ARFGEF2: variants seen among roughly 807,000 people sequenced by gnomAD.
ARFGEF2 encodes the protein ARF guanine nucleotide exchange factor 2, also known as brefeldin A-inhibited guanine nucleotide-exchange protein 2.
In ARFGEF2, 74 loss-of-function variants were observed where a neutral mutation model predicts 219.9. That is an observed-to-expected ratio of 0.34 (90% CI 0.28 to 0.41). The LOEUF (loss-of-function observed/expected upper bound fraction) is 0.41. Among genes scored for constraint, ARFGEF2 ranks in the 10% least tolerant of loss-of-function variants. The pLI is 1.00. For synonymous variants in ARFGEF2, 733 were observed against 799.2 expected (o/e 0.92, Z 1.40); for missense variants, 1,743 against 2,218.3 (o/e 0.79, Z 4.30).
chr20:49,017,471 T>TA lies in ARFGEF2; in HGVS notation c.4455-25_4455-24insA, dbSNP rs200106522. 1.2e-4 allele frequency: 190 copies of TA among 1,613,710 alleles called. 1 individual carries two copies. The African/African-American group carries it at 2.0e-3, about 17-fold the overall frequency. Reference sequence around the variant, plus strand: ...CCTGATTGCCTTTCACATTGATTATTTTTTTTCTCTATTTTTTTCTTCAGT... The same window carrying TA: ...CCTGATTGCCTTTCACATTGATTATTATTTTTTCTCTATTTTTTTCTTCAGT... On this transcript the variant is annotated intron_variant, in intron 32 of 38. Transcript: ENST00000371917.
chr20:49,020,603 A>G (rs997003254), intron 34 of ARFGEF2, among the ~76,000 whole-genome samples: 1 of 152,050 alleles, frequency 6.6e-6, no homozygotes, highest in African/African-American at 2.4e-5. Flanking sequence ...GTGCCACCAC[A>G]TTCGGCTAAT....
intron 8 of ARFGEF2, among the ~76,000 whole-genome samples, chr20:48,966,956 G>A (rs934933892): frequency 2.6e-5 from 4 of 152,188 alleles, no homozygotes; most frequent in South Asian, 4.1e-4. Context: ...AAATGATCCT[G>A]CCACTTCAGC....
Position 49,032,131 on chromosome 20 carries a change from C to T in ARFGEF2, c.5146C>T (p.Leu1716Phe), listed in dbSNP as rs1290476602. ...GGCCTGGACAAGTCTCTTGTTGTTA[C>T]TTCTAACTAAAACCCTCAAAATAAA... ...REAWTSLLLL[L>F]LTKTLKINDE... is the part of the protein sequence containing the mutation. The change falls in exon 38 of 39, where the codon CTT becomes TTT. Residue 1716 changes from leucine to phenylalanine, a missense_variant. Coordinates refer to ENST00000371917, the MANE Select transcript of ARFGEF2 (RefSeq NM_006420.3). 1 of 1,613,734 alleles carries T rather than the reference C, an allele frequency of 6.2e-7. No homozygotes were observed. Among genetic ancestry groups the T allele is most frequent in the Admixed American group, 1.7e-5 (1 of 59,976 alleles).
At position 48,985,509 on chromosome 20, in the gene ARFGEF2, A is replaced by G. The variant is rs751323584; in HGVS notation, c.2172A>G (p.Ser724=). The G allele has an allele frequency of 2.5e-6, 4 of 1,614,118 alleles. No homozygotes were observed. Among genetic ancestry groups the G allele is most frequent in the Non-Finnish European group, 3.4e-6 (4 of 1,180,056 alleles). The part of the protein sequence containing the change: ...QLDFCEKEFV[S]ALRTFLEGFR... ...ACTTCTGTGAAAAAGAATTTGTCTC[A>G]GCCCTGCGGACATTCCTAGAAGGTT... The change falls in exon 16 of 39, where the codon TCA becomes TCG. Residue 724 remains serine, a synonymous_variant. Coordinates refer to ENST00000371917, the MANE Select transcript of ARFGEF2 (RefSeq NM_006420.3).
At chr20:48,968,730 G>GT (rs1391688409) in intron 8 of ARFGEF2, among the ~76,000 whole-genome samples, 2 of 151,924 alleles carry the variant, frequency 1.3e-5, no homozygotes, top group African/African-American at 4.8e-5. Flanking sequence ...ATTAGTTTTG[G>GT]TTTTTTTACA....
chr20:49,017,420 C>CT, intron 32 of ARFGEF2, 33 bp downstream of exon 32: 2 of 1,613,890 alleles, frequency 1.2e-6, no homozygotes, highest in Non-Finnish European at 1.7e-6. Context: ...CCGTTTATCT[C>CT]TGTGTTCAGT....
chr20:48,926,274 C>T (rs1656990334), intron 1 of ARFGEF2, among the ~76,000 whole-genome samples: 1 of 152,140 alleles, frequency 6.6e-6, no homozygotes, highest in Admixed American at 6.6e-5. Flanking sequence ...TTTCAGGAGA[C>T]TGTATTTTCT....
At position 48,974,882 on chromosome 20, in the gene ARFGEF2, A is replaced by C. The variant is rs1434699194; in HGVS notation, c.1774+8A>C. ...ACCACCAGACCAGCCTCGGTGAGAC[A>C]GCATTGCTGCCACACCCACCTCCAT... is the stretch of plus-strand genomic sequence containing the variant. On this transcript the variant is annotated splice_region_variant and intron_variant, in intron 13 of 38. Coordinates refer to ENST00000371917, the MANE Select transcript of ARFGEF2 (RefSeq NM_006420.3). The C allele has an allele frequency of 3.7e-6, 6 of 1,608,028 alleles. No individual in the cohort carries two copies. The highest frequency in any genetic ancestry group is 5.1e-6 in the Non-Finnish European group (6 of 1,175,984).
In ARFGEF2 at chr20:48,965,988, G is replaced by T. The variant is rs530413492; in HGVS notation, c.1024G>T (p.Asp342Tyr). The T allele has an allele frequency of 1.9e-5, 30 of 1,614,146 alleles. No individual in the cohort carries two copies. In the South Asian group the frequency reaches 3.1e-4, roughly 17 times the overall value. The change falls in exon 8 of 39, where the codon GAT (aspartate) becomes TAT (tyrosine). Residue 342 changes from aspartate to tyrosine, a missense_variant. Transcript: ENST00000371917. ...DENSQTNGIA[D>Y]DRQSLSSADN... ...AAACTCACAGACCAACGGGATAGCC[G>T]ATGACAGGCAGTCCTTGTCGTCAGC...
rs532986318 is a variant in ARFGEF2 at position 48,988,507 on chromosome 20, C to T, written c.2378C>T (p.Thr793Met). The change falls in exon 18 of 39, where the codon ACG becomes ATG. Residue 793 changes from threonine to methionine, a missense_variant. Transcript: ENST00000371917. ...LHSPQVKNKM[T>M]KEQYIKMNRG... ...TAATTACAGGTAAAAAATAAAATGA[C>T]GAAAGAGCAGTATATTAAAATGAAT... is the stretch of plus-strand genomic sequence containing the variant. 35 of 1,612,286 alleles carry T rather than the reference C, an allele frequency of 2.2e-5. No homozygotes were observed. The highest frequency in any genetic ancestry group is 1.3e-4 in the Admixed American group (8 of 59,896).
Position 48,971,321 on chromosome 20 carries a change from A to G in ARFGEF2, c.1392A>G (p.Ser464=). 6.2e-7 allele frequency: 1 copy of G among 1,614,114 alleles called. No homozygotes were observed. Among genetic ancestry groups the G allele is most frequent in the Non-Finnish European group, 8.5e-7 (1 of 1,180,028 alleles). The change falls in exon 10 of 39, where the codon TCA becomes TCG. Residue 464 remains serine (S), a synonymous_variant. Transcript: ENST00000371917. ...TTGCCATTTTTCTTACTCTTCTTTC[A>G]AACTTTAAAATGCACTTGAAAATGC... The part of the protein sequence containing the change: ...LSLAIFLTLL[S]NFKMHLKMQI...
At chr20:49,018,351 G>A (rs775257933) in intron 33 of ARFGEF2, among the ~76,000 whole-genome samples, 5 of 152,102 alleles carry the variant, frequency 3.3e-5, no homozygotes, top group Non-Finnish European at 5.9e-5. Flanking sequence ...TCATGCCTCA[G>A]CCTCCCGCCA....
intron 1 of ARFGEF2, among the ~76,000 whole-genome samples, chr20:48,922,405 G>A (rs2090848422): frequency 6.6e-6 from 1 of 152,220 alleles, no homozygotes; most frequent in Admixed American, 6.5e-5. Context: ...AGGAAGAGCC[G>A]TCCAACTGGT....
At position 49,023,085 on chromosome 20, in the gene ARFGEF2, T is replaced by C. The variant is rs1177358480; in HGVS notation, c.4659T>C (p.Cys1553=). Residue 1553 remains cysteine, a synonymous_variant, in exon 35 of 39, where the codon TGT becomes TGC. Transcript: ENST00000371917. The part of the protein sequence containing the change: ...QKLFASLLIK[C]VVQLELIQTI... Reference sequence around the variant, plus strand: ...TGTTTGCCAGCCTCCTCATCAAGTGTGTGGTCCAGTTGGAATTGATACAGA... The same window carrying C: ...TGTTTGCCAGCCTCCTCATCAAGTGCGTGGTCCAGTTGGAATTGATACAGA... The C allele has an allele frequency of 1.5e-5, 25 of 1,614,112 alleles. No individual in the cohort carries two copies. Among genetic ancestry groups the C allele is most frequent in the Non-Finnish European group, 1.8e-5 (21 of 1,180,042 alleles).
intron 36 of ARFGEF2, among the ~76,000 whole-genome samples, chr20:49,028,324 G>A (rs189790027): frequency 1.3e-5 from 2 of 152,280 alleles, no homozygotes; most frequent in East Asian, 3.9e-4. Context: ...AGGAGGCTGA[G>A]GCAGGAGGAT....
chr20:49,027,587 G>A (rs973810971), intron 36 of ARFGEF2, among the ~76,000 whole-genome samples: 14 of 151,986 alleles, frequency 9.2e-5, no homozygotes, highest in Non-Finnish European at 1.9e-4. Flanking sequence ...TCCCAGCTAC[G>A]CAGGAGGCTG....
At chr20:48,980,708 G>A (rs1248942224) in intron 14 of ARFGEF2, among the ~76,000 whole-genome samples, 3 of 152,170 alleles carry the variant, frequency 2.0e-5, no homozygotes, top group Non-Finnish European at 4.4e-5. Flanking sequence ...AGCTCTTCTT[G>A]TTGAATTGAT....
intron 8 of ARFGEF2, 131 bp from the exon 9 acceptor site, chr20:48,969,016 A>C (rs1430776787): frequency 1.2e-6 from 1 of 819,924 alleles, no homozygotes; most frequent in African/African-American, 1.7e-5. Context: ...ATTGGAGTGC[A>C]ATGGTGCCAT....
At chr20:49,028,708 A>T (rs781459774) in intron 37 of ARFGEF2, 40 bp downstream of exon 37, 2 of 1,593,938 alleles carry the variant, frequency 1.3e-6, no homozygotes, top group Non-Finnish European at 1.7e-6. Flanking sequence ...TATCTGCTAT[A>T]TACAAAATGC....
Sources: allele counts gnomAD v4.1 joint callset (sites outside exome capture counted in the v4.1 genomes callset), GRCh38; gene constraint gnomAD v4.1.1; transcripts MANE v1.5; gene names NCBI Gene and HGNC (gene_info 2026-07-23, HGNC 2026-07-21).